MTHFSD: variants seen among roughly 807,000 people sequenced by gnomAD.
MTHFSD encodes the protein methenyltetrahydrofolate synthase domain-containing protein.
Under a neutral mutation model 31.1 loss-of-function variants are expected in MTHFSD, and 37 were observed. The ratio of observed to expected loss-of-function variants is 1.19; its 90% CI spans 0.91 to 1.56. The LOEUF is 1.56. MTHFSD is among the 40% of genes most tolerant of loss of function. The pLI is 0.00. For missense variants in MTHFSD, 664 were observed against 510.1 expected (o/e 1.30, Z -2.91); for synonymous variants, 221 against 206.9 (o/e 1.07, Z -0.59).
intron 7 of MTHFSD, among the ~76,000 whole-genome samples, chr16:86,535,750 T>TA (rs1450925659): frequency 6.6e-6 from 1 of 152,236 alleles, no homozygotes; most frequent in Non-Finnish European, 1.5e-5. Context: ...TTAAGGCAGC[T>TA]ACATGCTGCT....
intron 2 of MTHFSD, among the ~76,000 whole-genome samples, chr16:86,552,899 G>C (rs192086240): frequency 6.6e-6 from 1 of 152,332 alleles, no homozygotes; most frequent in Admixed American, 6.5e-5. Context: ...CTTCAGGGCA[G>C]AGAGCATTTT....
intron 7 of MTHFSD, chr16:86,535,496 AGTT>A (rs1555523304): frequency 1.0e-6 from 1 of 985,314 alleles, no homozygotes; most frequent in Non-Finnish European, 1.2e-6. Flanking sequence ...AATGAGGAAT[AGTT>A]GTTACATTCT....
intron 7 of MTHFSD, among the ~76,000 whole-genome samples, chr16:86,535,938 A>T (rs922981820): frequency 6.6e-6 from 1 of 152,134 alleles, no homozygotes; most frequent in Non-Finnish European, 1.5e-5. Context: ...GCAGCCTTGA[A>T]TACCCAGCTC....
chr16:86,540,937 A>C (rs1231306074), intron 7 of MTHFSD: 1 of 1,142,430 alleles, frequency 8.8e-7, no homozygotes, highest in Non-Finnish European at 1.1e-6. Context: ...AGCAGCAGGT[A>C]TTCTGTGTTC....
rs1176759806 is a variant in MTHFSD at position 86,530,219 on chromosome 16, C to A, written c.*1792G>T. The A allele has an allele frequency of 6.6e-6, 1 of 152,252 alleles. No homozygotes were observed. Among genetic ancestry groups the A allele is most frequent in the Non-Finnish European group, 1.5e-5 (1 of 68,060 alleles). The allele number at this position is 152,252 out of a possible 1,614,324, so 9.4% of individuals were successfully genotyped here. On this transcript the variant is annotated 3_prime_UTR_variant, in exon 8 of 8. Transcript: ENST00000360900. ...GGGGATTTTATTTCAGGCACTTGCT[C>A]TTCAGTTTTTCTTACACGATGTTCC...
intron 5 of MTHFSD, among the ~76,000 whole-genome samples, chr16:86,543,837 C>T (rs745827088): frequency 2.6e-5 from 4 of 152,306 alleles, no homozygotes; most frequent in East Asian, 1.9e-4. Flanking sequence ...TATTTACAGC[C>T]GCTCCCCATC....
At position 86,541,839 on chromosome 16, in the gene MTHFSD, G is replaced by A. The variant is rs1382244522; in HGVS notation, c.556-17C>T. On this transcript the variant is annotated splice_polypyrimidine_tract_variant and intron_variant, in intron 6 of 7. Transcript: ENST00000360900. ...GTCCACGACCTGGGGGAAGAGAGGA[G>A]GGATAAAGGGGCTGCTGGGAATGCC... 7 of 1,613,218 alleles carry A rather than the reference G, an allele frequency of 4.3e-6. No individual in the cohort carries two copies. Among genetic ancestry groups the A allele is most frequent in the Non-Finnish European group, 5.9e-6 (7 of 1,179,392 alleles).
At chr16:86,547,898 C>T in intron 4 of MTHFSD, 2 of 468,456 alleles carry the variant, frequency 4.3e-6, no homozygotes, top group African/African-American at 2.1e-5. Context: ...AAAAAAGTCA[C>T]CAAATTCGAC....
intron 5 of MTHFSD, 23 bp downstream of exon 5, chr16:86,546,536 G>C: frequency 1.2e-6 from 2 of 1,606,224 alleles, no homozygotes; most frequent in Non-Finnish European, 1.7e-6. Flanking sequence ...TCACACTCAA[G>C]GGTTCCCATC....
chr16:86,552,219 G>A (rs755237272), intron 2 of MTHFSD, 73 bp from the exon 3 acceptor site: 13 of 1,613,514 alleles, frequency 8.1e-6, no homozygotes, highest in Non-Finnish European at 1.1e-5. Flanking sequence ...GGGGGCATCA[G>A]GATTTACTTT....
In MTHFSD at chr16:86,546,440, C is replaced by G. The variant is rs1597364813; in HGVS notation, c.442+119G>C. ...TGAAAAATGCAGCGGCTTCGGAGAC[C>G]AGGTAAGCGCATCCAGAAAGCAGAC... On this transcript the variant is annotated intron_variant, in intron 5 of 7. Coordinates refer to ENST00000360900, the MANE Select transcript of MTHFSD (RefSeq NM_001159377.2). 3.5e-6 allele frequency: 3 copies of G among 856,550 alleles called. No individual in the cohort carries two copies. In the East Asian group the frequency reaches 7.3e-5, roughly 21 times the overall value. 53.1% of individuals were successfully genotyped at this position (856,550 alleles called of 1,614,324 possible).
At chr16:86,541,494 C>A (rs9674143) in intron 7 of MTHFSD, 145,138 of 748,158 alleles carry the variant, frequency 0.19, 17,234 homozygotes, top group East Asian at 0.42. Flanking sequence ...GCTGCTTTTT[C>A]GAATCCCAGA....
At chr16:86,541,043 T>C (rs1971433066) in intron 7 of MTHFSD, 3 of 1,215,244 alleles carry the variant, frequency 2.5e-6, no homozygotes, top group Non-Finnish European at 2.1e-6. Context: ...TGGACACGTA[T>C]GCTTATTTGA....
intron 2 of MTHFSD, 133 bp from the exon 3 acceptor site, chr16:86,552,279 G>C: frequency 2.5e-6 from 4 of 1,582,956 alleles, no homozygotes; most frequent in Non-Finnish European, 3.4e-6. Context: ...TTGCTCGGCA[G>C]CATGAGAAGC....
intron 7 of MTHFSD, chr16:86,540,874 G>A: frequency 9.1e-7 from 1 of 1,104,048 alleles, no homozygotes; most frequent in South Asian, 2.3e-5. Flanking sequence ...GGAGTCCCCA[G>A]CAGTGCCTGC....
chr16:86,547,487 G>A (rs1972493832), intron 4 of MTHFSD: 1 of 986,218 alleles, frequency 1.0e-6, no homozygotes, highest in East Asian at 1.1e-4. Context: ...ACAGAAGGGG[G>A]CTTAGTCCAG....
At position 86,532,219 on chromosome 16, in the gene MTHFSD, C is replaced by G; in HGVS notation, c.944G>C (p.Gly315Ala). The change falls in exon 8 of 8, where the codon GGG becomes GCG. Residue 315 changes from glycine (G) to alanine (A), a missense_variant. By Grantham distance (60) the Gly-to-Ala change is moderately conservative. Coordinates refer to ENST00000360900, the MANE Select transcript of MTHFSD (RefSeq NM_001159377.2). ...CTTCAGGTCACTCACACGGGCGTCC[C>G]CGGGGAGGTTCCCAACGTAAACATC... ...AADVYVGNLP[G>A]DARVSDLKRA... The G allele has an allele frequency of 1.9e-6, 3 of 1,582,538 alleles. No individual in the cohort carries two copies. The highest frequency in any genetic ancestry group is 2.6e-6 in the Non-Finnish European group (3 of 1,164,998).
chr16:86,539,969 C>T (rs1489290903), intron 7 of MTHFSD, among the ~76,000 whole-genome samples: 1 of 152,142 alleles, frequency 6.6e-6, no homozygotes, highest in African/African-American at 2.4e-5. Flanking sequence ...GAGAGGTATG[C>T]CAAATATTTG....
intron 7 of MTHFSD, among the ~76,000 whole-genome samples, chr16:86,537,729 G>A (rs2143468055): frequency 6.6e-6 from 1 of 152,330 alleles, no homozygotes; most frequent in Admixed American, 6.5e-5. Context: ...TGAGGTATCT[G>A]TAGATCATGC....
Sources: gnomAD v4.1 joint callset for allele counts (sites outside exome capture counted in the v4.1 genomes callset) on GRCh38, gnomAD v4.1.1 for gene constraint, MANE v1.5 for transcripts, NCBI Gene and HGNC (gene_info 2026-07-23, HGNC 2026-07-21) for gene names.